Variants in ATCAY observed in about 807,000 individuals in gnomAD.
ATCAY encodes caytaxin.
Under a neutral mutation model 47.7 loss-of-function variants are expected in ATCAY, and 22 were observed. That is an observed-to-expected ratio of 0.46 (90% CI 0.33 to 0.66). The LOEUF (loss-of-function observed/expected upper bound fraction) is 0.66, where lower values mean the gene tolerates loss of function less well. ATCAY is among the 30% of genes least tolerant of loss of function. The pLI is 0.02. For missense variants in ATCAY, 452 were observed against 515.0 expected, an observed-to-expected ratio of 0.88 and a Z score of 1.18; for synonymous variants, 216 against 207.6, an observed-to-expected ratio of 1.04 and a Z score of -0.35.
chr19:3,917,882 G>A, intron 10 of ATCAY, 105 bp downstream of exon 10: 2 of 1,300,196 alleles, frequency 1.5e-6, no homozygotes, highest in Admixed American at 4.7e-5. Context: ...AGGGACCATT[G>A]TCCTGTGCAG....
chr19:3,910,943 G>A (rs758457246), intron 8 of ATCAY, 54 bp downstream of exon 8: 57 of 1,561,598 alleles, frequency 3.7e-5, no homozygotes, highest in Middle Eastern at 3.4e-4. Flanking sequence ...GCGTGTGTGC[G>A]TGTGTGTATG....
chr19:3,880,741 G>T lies in ATCAY; in HGVS notation c.-309G>T. ...TACCTCGGAGGCAGGGCGCGCAGGC[G>T]GGCGGCGATGAGAGGGGGCGCAGCC... On this transcript the variant is annotated 5_prime_UTR_variant, in exon 1 of 13. Coordinates refer to ENST00000450849, the MANE Select transcript of ATCAY (RefSeq NM_033064.5). The T allele has an allele frequency of 6.5e-6, 1 of 152,734 alleles. No homozygotes were observed. The highest frequency in any genetic ancestry group is 2.0e-4 in the South Asian group (1 of 4,934). The allele number at this position is 152,734 out of a possible 1,614,324, so 9.5% of individuals were successfully genotyped here. A position where few individuals can be genotyped will look rare whatever the true frequency, so the allele number is the denominator to read the frequency against.
intron 6 of ATCAY, among the ~76,000 whole-genome samples, chr19:3,908,675 T>C (rs550818307): frequency 8.8e-4 from 76 of 86,342 alleles, no homozygotes; most frequent in Admixed American, 1.4e-3. Context: ...TTCTCCTCCT[T>C]CTCCTCCCCT....
chr19:3,904,225 G>A (rs1040864143), intron 3 of ATCAY, among the ~76,000 whole-genome samples: 1 of 152,214 alleles, frequency 6.6e-6, no homozygotes, highest in East Asian at 1.9e-4. Context: ...TTGGGAGGCT[G>A]AGGTGGGAGA....
intron 9 of ATCAY, among the ~76,000 whole-genome samples, chr19:3,916,180 C>G (rs149395056): frequency 6.6e-6 from 1 of 152,294 alleles, no homozygotes; most frequent in Non-Finnish European, 1.5e-5. Context: ...TCTCACTGAG[C>G]GTGACATCCT....
chr19:3,917,602 A>C (rs2038977161), intron 9 of ATCAY, 140 bp from the exon 10 acceptor site: 1 of 922,966 alleles, frequency 1.1e-6, no homozygotes, highest in Non-Finnish European at 1.6e-6. Context: ...AAAAAAAAAA[A>C]AAAAAAAAGG....
intron 3 of ATCAY, among the ~76,000 whole-genome samples, chr19:3,904,830 C>T (rs2038846064): frequency 6.6e-6 from 1 of 151,700 alleles, no homozygotes; most frequent in Non-Finnish European, 1.5e-5. Flanking sequence ...AATTTGTCTG[C>T]ACAAGAGATA....
intron 7 of ATCAY, 34 bp from the exon 8 acceptor site, chr19:3,910,769 G>A: frequency 1.9e-6 from 3 of 1,613,064 alleles, no homozygotes; most frequent in Non-Finnish European, 1.7e-6. Flanking sequence ...CTCGCCCCAG[G>A]AGCCCATCTT....
At chr19:3,900,832 G>A (rs903775267) in intron 2 of ATCAY, among the ~76,000 whole-genome samples, 2 of 151,144 alleles carry the variant, frequency 1.3e-5, no homozygotes, top group Non-Finnish European at 2.9e-5. Flanking sequence ...TGCTGCGCCT[G>A]GCCCATCCTG....
intron 4 of ATCAY, among the ~76,000 whole-genome samples, chr19:3,906,104 G>A (rs1331186787): frequency 3.4e-5 from 5 of 148,500 alleles, no homozygotes; most frequent in Non-Finnish European, 7.4e-5. Flanking sequence ...CCAGGAGGCC[G>A]AGCTTGCGGT....
intron 9 of ATCAY, 125 bp from the exon 10 acceptor site, chr19:3,917,617 A>G (rs1180298524): frequency 1.2e-6 from 1 of 830,174 alleles, no homozygotes; most frequent in Non-Finnish European, 1.9e-6. Flanking sequence ...AAAAGGAAGA[A>G]GAAGAAGAAG....
intron 9 of ATCAY, among the ~76,000 whole-genome samples, chr19:3,915,848 C>A (rs1568452381): frequency 6.6e-6 from 1 of 151,848 alleles, no homozygotes; most frequent in Non-Finnish European, 1.5e-5. Flanking sequence ...AGCCACCACG[C>A]CTGGCCGATT....
At chr19:3,914,235 C>CAAAAAAAAAAAAAAAAAAAA (rs56742726) in intron 9 of ATCAY, among the ~76,000 whole-genome samples, 10 of 62,562 alleles carry the variant, frequency 1.6e-4, no homozygotes, top group African/African-American at 5.2e-4. Flanking sequence ...GACTCCATCG[C>CAAAAAAAAAAAAAAAAAAAA]AAAAAAAAAA....
In ATCAY at chr19:3,924,964, C is replaced by G. The variant is rs1276461871; in HGVS notation, c.*372C>G. The G allele has an allele frequency of 5.1e-6, 1 of 196,458 alleles. No individual in the cohort carries two copies. Among genetic ancestry groups the G allele is most frequent in the Non-Finnish European group, 1.0e-5 (1 of 95,598 alleles). 12.2% of individuals were successfully genotyped at this position (196,458 alleles called of 1,614,324 possible). ...CAGAGCTGGATACAAGATTCAAGAC[C>G]CTTCTCTTGCTTGTCACCCGCTCCA... On this transcript the variant is annotated 3_prime_UTR_variant, in exon 13 of 13. Coordinates refer to ENST00000450849, the MANE Select transcript of ATCAY (RefSeq NM_033064.5).
chr19:3,889,603 T>A (rs1055558376), intron 2 of ATCAY, among the ~76,000 whole-genome samples: 17 of 151,822 alleles, frequency 1.1e-4, no homozygotes, highest in Middle Eastern at 3.4e-3. Context: ...CTAAGAAAAA[T>A]AATAATAATT....
At chr19:3,923,818 G>C (rs1195647388) in intron 12 of ATCAY, among the ~76,000 whole-genome samples, 3 of 141,234 alleles carry the variant, frequency 2.1e-5, no homozygotes, top group Middle Eastern at 3.9e-3. Flanking sequence ...GCAGATGGAT[G>C]AATGGATGGG....
rs559169010 is a variant in ATCAY at position 3,909,098 on chromosome 19, T to G, written c.648-388T>G. 2.7e-3 allele frequency among the ~76,000 whole-genome samples: 278 copies of G among 104,192 alleles called. 4 individuals are homozygous for G. Among genetic ancestry groups the G allele is most frequent in the Non-Finnish European group, 3.4e-3 (173 of 50,178 alleles). 68.4% of individuals were successfully genotyped at this position (104,192 alleles called of 152,430 possible). ...TACTAAAACTACAATTTAGCTGGGC[T>G]CGGTGGCAGGCGCCTGTAATCCCAG... is the stretch of plus-strand genomic sequence containing the variant. On this transcript the variant is annotated intron_variant, in intron 6 of 12. Transcript: ENST00000450849.
At chr19:3,917,924 T>G (rs2038980178) in intron 10 of ATCAY, 147 bp downstream of exon 10, 1 of 783,384 alleles carries the variant, frequency 1.3e-6, no homozygotes, top group Non-Finnish European at 1.9e-6. Flanking sequence ...GGCAAGGACT[T>G]TAAACTCAGA....
At chr19:3,917,597 A>AAAAAAAC in intron 9 of ATCAY, 145 bp from the exon 10 acceptor site, 1 of 890,428 alleles carries the variant, frequency 1.1e-6, no homozygotes, top group African/African-American at 1.7e-5. Flanking sequence ...AAAAAAAAAA[A>AAAAAAAC]AAAAAAAAAA....
Sources: allele counts gnomAD v4.1 joint callset (sites outside exome capture counted in the v4.1 genomes callset), GRCh38; gene constraint gnomAD v4.1.1; transcripts MANE v1.5; gene names NCBI Gene and HGNC (gene_info 2026-07-23, HGNC 2026-07-21).